Variants in ORC2 observed in about 807,000 individuals in gnomAD.
The protein encoded by ORC2 is origin recognition complex subunit 2.
Under a neutral mutation model 77.7 loss-of-function variants are expected in ORC2, and 37 were observed. The observed-to-expected ratio is 0.48, with a 90% CI of 0.37 to 0.63. The LOEUF (loss-of-function observed/expected upper bound fraction) is 0.63. Among genes scored for constraint, ORC2 ranks in the 20% least tolerant of loss-of-function variants. The pLI is 0.00. For missense variants in ORC2, 557 were observed against 661.9 expected, an observed-to-expected ratio of 0.84 and a Z score of 1.74; for synonymous variants, 201 against 229.5, an observed-to-expected ratio of 0.88 and a Z score of 1.12.
At chr2:200,934,766 C>A (rs535203224) in intron 9 of ORC2, among the ~76,000 whole-genome samples, 5 of 152,242 alleles carry the variant, frequency 3.3e-5, no homozygotes, top group Admixed American at 1.3e-4. Context: ...TCCAGTCAAG[C>A]GGAATTTTCT....
At chr2:200,958,306 ATTCT>A (rs1229077838) in intron 2 of ORC2, among the ~76,000 whole-genome samples, 173 bp from the exon 3 acceptor site, 1 of 152,216 alleles carries the variant, frequency 6.6e-6, no homozygotes, top group Non-Finnish European at 1.5e-5. Context: ...AGGTAACTCA[ATTCT>A]TTATCTAAAA....
intron 7 of ORC2, 119 bp from the exon 8 acceptor site, chr2:200,938,085 T>C (rs1402092434): frequency 7.9e-6 from 5 of 628,956 alleles, no homozygotes; most frequent in Non-Finnish European, 1.1e-5. Flanking sequence ...TAGAACTAGA[T>C]GAGCTTAGTT....
At chr2:200,957,992 T>C (rs1187010553) in intron 3 of ORC2, 38 bp downstream of exon 3, 3 of 1,221,000 alleles carry the variant, frequency 2.5e-6, no homozygotes, top group Admixed American at 1.8e-5. Context: ...ATAAACATTA[T>C]AATAAGCATC....
intron 13 of ORC2, among the ~76,000 whole-genome samples, chr2:200,922,345 C>T (rs2040774741): frequency 7.7e-6 from 1 of 129,898 alleles, no homozygotes. Context: ...GTTCTGATAG[C>T]ACAGAGGAAA....
At chr2:200,931,227 G>T in intron 11 of ORC2, 112 bp downstream of exon 11, 1 of 463,318 alleles carries the variant, frequency 2.2e-6, no homozygotes, top group Non-Finnish European at 3.9e-6. Flanking sequence ...TTTTATATAT[G>T]ACTAAATATC....
chr2:200,957,544 C>T lies in ORC2; in HGVS notation c.95G>A (p.Gly32Glu). ...VLNHILDREGGAKLKKERAQL... is the reference protein window; with the variant it reads ...VLNHILDREGEAKLKKERAQL... ...CGCTCGCTCCTTCTTCAATTTAGCT[C>T]CTATAAGAACATCCAAAGAAATAGA... The change falls in exon 4 of 18, where the codon GGA (glycine) becomes GAA (glutamate). Residue 32 changes from glycine to glutamate, a missense_variant and splice_region_variant. By Grantham distance (98) the Gly-to-Glu change is moderately conservative. Coordinates refer to ENST00000234296, the MANE Select transcript of ORC2 (RefSeq NM_006190.5). The T allele has an allele frequency of 1.3e-6, 2 of 1,582,838 alleles. No individual in the cohort carries two copies. The highest frequency in any genetic ancestry group is 1.7e-6 in the Non-Finnish European group (2 of 1,166,574).
intron 8 of ORC2, among the ~76,000 whole-genome samples, chr2:200,937,528 C>A (rs16836020): frequency 0.051 from 7,706 of 152,130 alleles, 652 homozygotes; most frequent in African/African-American, 0.18. Flanking sequence ...CCTCAAAGTT[C>A]AATATTCAAA....
chr2:200,960,398 T>C (rs2041551586), intron 1 of ORC2, among the ~76,000 whole-genome samples: 1 of 152,218 alleles, frequency 6.6e-6, no homozygotes, highest in Non-Finnish European at 1.5e-5. Context: ...CTATAACTTA[T>C]GACCATTGCT....
intron 5 of ORC2, among the ~76,000 whole-genome samples, chr2:200,948,962 G>A (rs115908738): frequency 8.9e-4 from 136 of 152,038 alleles, no homozygotes; most frequent in African/African-American, 3.2e-3. Context: ...GCTATGGCCG[G>A]GCATGGTGAC....
Position 200,923,352 on chromosome 2 carries a change from G to A in ORC2, c.1148-2213C>T, listed in dbSNP as rs548914919. On this transcript the variant is annotated intron_variant, in intron 13 of 17. Transcript: ENST00000234296. ...CAACCTCCAACTCCCAGGTTCAAGCGATTCTCCTGTCTCAGCCTCCCGACT... is the reference window on the plus strand; with the variant it reads ...CAACCTCCAACTCCCAGGTTCAAGCAATTCTCCTGTCTCAGCCTCCCGACT... Among the ~76,000 whole-genome samples the A allele has an allele frequency of 3.3e-5, 5 of 152,202 alleles. No individual in the cohort carries two copies. The East Asian group carries it at 7.7e-4, about 23-fold the overall frequency.
chr2:200,920,877 C>T (rs963495835), intron 14 of ORC2, 116 bp downstream of exon 14: 48 of 622,012 alleles, frequency 7.7e-5, no homozygotes, highest in Non-Finnish European at 1.1e-4. Context: ...TGTTTTTAAA[C>T]ATGTAAAAGG....
rs1487649473 is a variant in ORC2 at position 200,909,270 on chromosome 2, G to A, written c.*2031C>T. The A allele has an allele frequency of 6.6e-6, 1 of 152,200 alleles. No individual in the cohort carries two copies. The highest frequency in any genetic ancestry group is 1.5e-5 in the Non-Finnish European group (1 of 68,048). 9.4% of individuals were successfully genotyped at this position (152,200 alleles called of 1,614,324 possible). ...AAGAATACTTAAGAAAATGCTATCA[G>A]TGGTTGCCTAAAGAACTGGGTGGAT... is the stretch of plus-strand genomic sequence containing the variant. On this transcript the variant is annotated 3_prime_UTR_variant, in exon 18 of 18. Transcript: ENST00000234296.
At chr2:200,945,308 C>T (rs1011218145) in intron 5 of ORC2, among the ~76,000 whole-genome samples, 16 of 152,156 alleles carry the variant, frequency 1.1e-4, no homozygotes, top group Admixed American at 7.9e-4. Context: ...ATAATCCCAG[C>T]ACTTTGGGAG....
chr2:200,946,604 G>A (rs1266460482), intron 5 of ORC2, among the ~76,000 whole-genome samples: 1 of 152,104 alleles, frequency 6.6e-6, no homozygotes, highest in African/African-American at 2.4e-5. Context: ...CGCAGAATGA[G>A]GATAATATTC....
At chr2:200,920,168 T>C in intron 15 of ORC2, 54 bp downstream of exon 15, 6 of 1,398,124 alleles carry the variant, frequency 4.3e-6, no homozygotes, top group Non-Finnish European at 5.9e-6. Flanking sequence ...AACCTAGTAG[T>C]ACATATCTTA....
chr2:200,943,422 C>A (rs1403559482), intron 5 of ORC2, among the ~76,000 whole-genome samples: 1 of 151,480 alleles, frequency 6.6e-6, no homozygotes, highest in Non-Finnish European at 1.5e-5. Context: ...ATAATAGAGG[C>A]CATTTTAAAT....
intron 1 of ORC2, among the ~76,000 whole-genome samples, chr2:200,962,603 C>T (rs530735314): frequency 6.6e-5 from 10 of 152,234 alleles, no homozygotes; most frequent in African/African-American, 2.4e-4. Context: ...TTACTTTAAC[C>T]TTTTTCTTTT....
intron 5 of ORC2, among the ~76,000 whole-genome samples, chr2:200,945,127 C>T (rs1004636213): frequency 6.6e-6 from 1 of 152,140 alleles, no homozygotes; most frequent in African/African-American, 2.4e-5. Context: ...GCTGGCTGAC[C>T]TTTGCTCTGT....
intron 13 of ORC2, among the ~76,000 whole-genome samples, chr2:200,922,243 T>A (rs959151818): frequency 1.3e-5 from 2 of 151,546 alleles, no homozygotes; most frequent in Non-Finnish European, 2.9e-5. Context: ...ATGGAGCTGT[T>A]GACACTATCA....
Sources: gnomAD v4.1 joint callset for allele counts (sites outside exome capture counted in the v4.1 genomes callset) on GRCh38, gnomAD v4.1.1 for gene constraint, MANE v1.5 for transcripts, NCBI Gene and HGNC (gene_info 2026-07-23, HGNC 2026-07-21) for gene names.